Variants in NCOR1 observed in about 807,000 individuals in gnomAD.
NCOR1 encodes protein phosphatase 1, regulatory subunit 109.
In NCOR1, 63 loss-of-function variants were observed where a neutral mutation model predicts 288.1. The ratio of observed to expected loss-of-function variants is 0.22; its 90% confidence interval spans 0.18 to 0.27. NCOR1 has a LOEUF of 0.27. Ranked by LOEUF, NCOR1 falls within the 10% of genes least tolerant of loss-of-function variation. The probability of loss-of-function intolerance (pLI) is 1.00; values close to 1 mark genes in which losing one functional copy is unlikely to be tolerated. For missense variants in NCOR1, 2,397 were observed against 3,019.2 expected (o/e 0.79, Z 4.83); for synonymous variants, 1,007 against 1,065.9 (o/e 0.94, Z 1.08).
At chr17:16,132,310 C>T (rs1453671141) in intron 14 of NCOR1, among the ~76,000 whole-genome samples, 2 of 152,136 alleles carry the variant, frequency 1.3e-5, no homozygotes, top group African/African-American at 4.8e-5. Context: ...ATTCTACCTG[C>T]ACAGTGACAG....
intron 40 of NCOR1, 194 bp from the exon 41 acceptor site, chr17:16,049,182 G>A (rs1047016419): frequency 1.4e-5 from 6 of 440,572 alleles, no homozygotes; most frequent in Non-Finnish European, 2.3e-5. Context: ...AAAAACCACT[G>A]TGTTACTGCC....
In NCOR1 at chr17:16,071,674, A is replaced by C. The variant is rs1159429074; in HGVS notation, c.3896-9T>G. The C allele has an allele frequency of 2.4e-5, 39 of 1,606,528 alleles. No individual in the cohort carries two copies. The highest frequency in any genetic ancestry group is 3.1e-5 in the Non-Finnish European group (37 of 1,176,364). Reference sequence around the variant, plus strand: ...TGTTGCTCTTGGTGTCCCTTGAAAAAGAATTCAGGAAACATTAAAATAATG... The same window carrying C: ...TGTTGCTCTTGGTGTCCCTTGAAAACGAATTCAGGAAACATTAAAATAATG... On this transcript the variant is annotated splice_polypyrimidine_tract_variant and intron_variant, in intron 29 of 45. Coordinates refer to ENST00000268712, the MANE Select transcript of NCOR1 (RefSeq NM_006311.4).
At chr17:16,123,313 C>T (rs1397444427) in intron 15 of NCOR1, among the ~76,000 whole-genome samples, 2 of 152,118 alleles carry the variant, frequency 1.3e-5, no homozygotes, top group Non-Finnish European at 2.9e-5. Flanking sequence ...GTTATTTCAT[C>T]TCAGAAATGC....
chr17:16,128,777 A>C (rs2075149522), intron 14 of NCOR1, among the ~76,000 whole-genome samples: 1 of 152,050 alleles, frequency 6.6e-6, no homozygotes, highest in South Asian at 2.1e-4. Context: ...CTATTCATCA[A>C]AACCAACACT....
chr17:16,192,825 T>C (rs1197944992), intron 2 of NCOR1, among the ~76,000 whole-genome samples: 1 of 152,158 alleles, frequency 6.6e-6, no homozygotes, highest in East Asian at 1.9e-4. Flanking sequence ...AATAGGTGAT[T>C]GGATAAACAA....
chr17:16,162,662 T>C (rs2081099054), intron 5 of NCOR1, among the ~76,000 whole-genome samples: 1 of 152,032 alleles, frequency 6.6e-6, no homozygotes, highest in Non-Finnish European at 1.5e-5. Context: ...AATTAATAAA[T>C]ATATCTTTTA....
chr17:16,199,312 C>T (rs2090439851), intron 1 of NCOR1, among the ~76,000 whole-genome samples: 1 of 151,904 alleles, frequency 6.6e-6, no homozygotes, highest in South Asian at 2.1e-4. Flanking sequence ...CCTTCCTGTC[C>T]TCGCATGAAC....
At chr17:16,092,147 T>G in intron 21 of NCOR1, 89 bp from the exon 22 acceptor site, 1 of 1,419,762 alleles carries the variant, frequency 7.0e-7, no homozygotes. Flanking sequence ...ATTTCTGTCA[T>G]GTTATTGGTT....
chr17:16,100,354 T>C (rs2067389890), intron 20 of NCOR1, among the ~76,000 whole-genome samples: 1 of 152,188 alleles, frequency 6.6e-6, no homozygotes, highest in South Asian at 2.1e-4. Context: ...AAGCTACCTG[T>C]AAACTGCAGG....
Position 16,092,683 on chromosome 17 carries a change from ATATATATATATATTTTT to A in NCOR1, c.2821-642_2821-626del, listed in dbSNP as rs1391212688. 1.5e-3 allele frequency among the ~76,000 whole-genome samples: 27 copies of A among 17,834 alleles called. 2 individuals are homozygous for A. The highest frequency in any genetic ancestry group is 0.012 in the East Asian group (4 of 328). 11.7% of individuals were successfully genotyped at this position (17,834 alleles called of 152,430 possible). A position where few individuals can be genotyped will look rare whatever the true frequency, so the allele number is the denominator to read the frequency against. On this transcript the variant is annotated intron_variant, in intron 21 of 45. Coordinates refer to ENST00000268712, the MANE Select transcript of NCOR1 (RefSeq NM_006311.4). ...TATATATATATATATATATATATAT[ATATATATATATATTTTT>A]TTTTTTTTTTTTTTTTAAGACATAG...
At chr17:16,073,204 G>A (rs1422952270) in intron 28 of NCOR1, among the ~76,000 whole-genome samples, 2 of 152,130 alleles carry the variant, frequency 1.3e-5, no homozygotes, top group African/African-American at 4.8e-5. Flanking sequence ...GACCAATTAC[G>A]CTTAAATTTG....
chr17:16,033,336 C>CAAAAAAA lies in NCOR1; in HGVS notation c.7136-860_7136-854dup, dbSNP rs59285422. On this transcript the variant is annotated intron_variant, in intron 45 of 45. Coordinates refer to ENST00000268712, the MANE Select transcript of NCOR1 (RefSeq NM_006311.4). ...GGCAACAAGAACGAAACTCCGTCTC[C>CAAAAAAA]AAAAAAAAAAAAAAAAAAACCCAAA... is the stretch of plus-strand genomic sequence containing the variant. 1.0e-2 allele frequency among the ~76,000 whole-genome samples: 573 copies of CAAAAAAA among 57,320 alleles called. 5 individuals carry two copies. The highest frequency in any genetic ancestry group is 0.031 in the African/African-American group (535 of 17,146). 37.6% of individuals were successfully genotyped at this position (57,320 alleles called of 152,430 possible).
intron 4 of NCOR1, among the ~76,000 whole-genome samples, chr17:16,169,587 A>G (rs2082722887): frequency 6.6e-6 from 1 of 152,112 alleles, no homozygotes. Context: ...TTTAGGGGAA[A>G]AAAAGCAGGA....
chr17:16,170,368 CAAA>C (rs1158514720), intron 4 of NCOR1, among the ~76,000 whole-genome samples: 1 of 151,822 alleles, frequency 6.6e-6, no homozygotes, highest in Non-Finnish European at 1.5e-5. Context: ...AAAACTGAAA[CAAA>C]AAGACACTGG....
At chr17:16,118,551 C>A (rs1384476528) in intron 17 of NCOR1, among the ~76,000 whole-genome samples, 1 of 152,052 alleles carries the variant, frequency 6.6e-6, no homozygotes, top group African/African-American at 2.4e-5. Context: ...ATTACAGAAA[C>A]CTATGCAATT....
At chr17:16,187,310 G>C (rs1328464156) in intron 2 of NCOR1, among the ~76,000 whole-genome samples, 1 of 150,842 alleles carries the variant, frequency 6.6e-6, no homozygotes, top group Non-Finnish European at 1.5e-5. Flanking sequence ...CCAGTCCTAG[G>C]TATATACCCC....
chr17:16,169,825 T>G (rs1238215764), intron 4 of NCOR1, among the ~76,000 whole-genome samples: 2 of 152,208 alleles, frequency 1.3e-5, no homozygotes, highest in East Asian at 3.8e-4. Context: ...AAGATGACCT[T>G]TATTCACTAT....
intron 9 of NCOR1, among the ~76,000 whole-genome samples, chr17:16,148,815 T>C (rs2078428103): frequency 6.6e-6 from 1 of 152,154 alleles, no homozygotes. Context: ...GGTCATTAAC[T>C]TTAGGCACAA....
At chr17:16,056,869 T>C (rs1015823775) in intron 40 of NCOR1, 3 of 151,808 alleles carry the variant, frequency 2.0e-5, no homozygotes, top group Non-Finnish European at 4.4e-5. Context: ...TGTGTGTGCA[T>C]ATATATATGT....
Sources: gnomAD v4.1 joint callset for allele counts (sites outside exome capture counted in the v4.1 genomes callset) on GRCh38, gnomAD v4.1.1 for gene constraint, MANE v1.5 for transcripts, NCBI Gene and HGNC (gene_info 2026-07-23, HGNC 2026-07-21) for gene names.